The following ARID1B variants were observed in gnomAD, a reference collection of about 807,000 sequenced individuals.
The protein encoded by ARID1B is AT-rich interaction domain 1B, also known as AT-rich interactive domain-containing protein 1B.
ARID1B carries 30 observed loss-of-function variants against 212.3 expected under a neutral mutation model. The ratio of observed to expected loss-of-function variants is 0.14; its 90% CI spans 0.11 to 0.19. The LOEUF is 0.19. Among genes scored for constraint, ARID1B ranks in the 10% least tolerant of loss-of-function variants. The pLI is 1.00. For synonymous variants in ARID1B, 1,402 were observed against 1,301.7 expected, an observed-to-expected ratio of 1.08 and a Z score of -1.66; for missense variants, 2,891 against 3,204.0, an observed-to-expected ratio of 0.90 and a Z score of 2.36.
chr6:157,209,582 A>G lies in ARID1B; in HGVS notation c.*1691A>G, dbSNP rs904996796. On this transcript the variant is annotated 3_prime_UTR_variant, in exon 20 of 20. Coordinates refer to ENST00000636930, the MANE Select transcript of ARID1B (RefSeq NM_001374828.1). ...AGCTTAACTGGCCTGAAAATGTAAC[A>G]TTCTGCCTTTTACTAACTCCATCTT... The G allele has an allele frequency of 1.7e-5, 4 of 233,120 alleles. No individual in the cohort carries two copies. The highest frequency in any genetic ancestry group is 3.4e-5 in the Non-Finnish European group (4 of 118,036). 14.4% of individuals were successfully genotyped at this position (233,120 alleles called of 1,614,324 possible). A position where few individuals can be genotyped will look rare whatever the true frequency, so the allele number is the denominator to read the frequency against.
At chr6:156,882,304 CT>C (rs1298350728) in intron 2 of ARID1B, among the ~76,000 whole-genome samples, 1 of 152,162 alleles carries the variant, frequency 6.6e-6, no homozygotes, top group African/African-American at 2.4e-5. Flanking sequence ...TGCTGTGCTT[CT>C]TTGATGCCAC....
chr6:157,141,651 G>T (rs774723985), intron 7 of ARID1B, among the ~76,000 whole-genome samples: 60 of 152,154 alleles, frequency 3.9e-4, no homozygotes, highest in Admixed American at 1.5e-3. Context: ...TCACAGAAAA[G>T]ATCTTACTTA....
intron 2 of ARID1B, among the ~76,000 whole-genome samples, chr6:156,839,471 A>G (rs1195477543): frequency 1.3e-5 from 2 of 152,184 alleles, no homozygotes; most frequent in Admixed American, 6.5e-5. Flanking sequence ...TTTTCAACAC[A>G]TGAAATTTAG....
At chr6:156,800,371 C>T (rs1373043779) in intron 1 of ARID1B, among the ~76,000 whole-genome samples, 5 of 152,156 alleles carry the variant, frequency 3.3e-5, no homozygotes, top group African/African-American at 9.6e-5. Context: ...GGTGGATCAT[C>T]TAAGGTCAGG....
chr6:156,967,806 T>C (rs1335279711), intron 4 of ARID1B, among the ~76,000 whole-genome samples: 1 of 152,230 alleles, frequency 6.6e-6, no homozygotes, highest in Non-Finnish European at 1.5e-5. Flanking sequence ...TGTATGAACC[T>C]CCTTTTGGGG....
chr6:157,013,282 A>G (rs968712628), intron 4 of ARID1B, among the ~76,000 whole-genome samples: 4 of 152,170 alleles, frequency 2.6e-5, no homozygotes, highest in African/African-American at 7.2e-5. Context: ...CTCAGTCCCA[A>G]CCTAAGTTCC....
At chr6:156,953,767 C>T (rs1036287119) in intron 4 of ARID1B, among the ~76,000 whole-genome samples, 1 of 152,176 alleles carries the variant, frequency 6.6e-6, no homozygotes, top group Non-Finnish European at 1.5e-5. Context: ...ATACTGTTAG[C>T]GTTGCTATGG....
chr6:156,850,986 T>C (rs1279180196), intron 2 of ARID1B, among the ~76,000 whole-genome samples: 1 of 152,238 alleles, frequency 6.6e-6, no homozygotes, highest in East Asian at 1.9e-4. Flanking sequence ...CATTAATCTT[T>C]GAACCTTGCG....
At chr6:157,084,105 G>A (rs1185345396) in intron 4 of ARID1B, among the ~76,000 whole-genome samples, 2 of 149,258 alleles carry the variant, frequency 1.3e-5, no homozygotes, top group African/African-American at 5.0e-5. Context: ...TTACACTCCA[G>A]CCTGGGCGAC....
At position 156,777,859 on chromosome 6, in the gene ARID1B, G is replaced by GCGGCGGCGA. The variant is rs1778736880; in HGVS notation, c.188_196dup (p.Asp63_Gly65dup). 18 of 1,339,818 alleles carry GCGGCGGCGA rather than the reference G, an allele frequency of 1.3e-5. No individual in the cohort carries two copies. The highest frequency in any genetic ancestry group is 7.3e-5 in the South Asian group (4 of 54,778). 83.0% of individuals were successfully genotyped at this position (1,339,818 alleles called of 1,614,324 possible). ...GCGGCACCGGGACCCATGCTGGGGG[G>GCGGCGGCGA]CGGCGGCGACGGCGGCGGCGGCCTG... On this transcript the variant is annotated inframe_insertion, in exon 1 of 20. Coordinates refer to ENST00000636930, the MANE Select transcript of ARID1B (RefSeq NM_001374828.1).
At chr6:156,800,687 A>C (rs1237605436) in intron 1 of ARID1B, among the ~76,000 whole-genome samples, 3 of 152,062 alleles carry the variant, frequency 2.0e-5, no homozygotes, top group African/African-American at 7.2e-5. Flanking sequence ...CGGGAGCATC[A>C]CTTGAGCCCA....
chr6:156,845,827 C>T (rs2128097114), intron 2 of ARID1B, among the ~76,000 whole-genome samples: 1 of 151,986 alleles, frequency 6.6e-6, no homozygotes, highest in East Asian at 1.9e-4. Flanking sequence ...TATCTATGAA[C>T]CTTATTAGTT....
At chr6:156,918,997 G>A (rs897486383) in intron 3 of ARID1B, among the ~76,000 whole-genome samples, 4 of 152,062 alleles carry the variant, frequency 2.6e-5, no homozygotes, top group Non-Finnish European at 5.9e-5. Context: ...TTTTGGTGGC[G>A]TTATTCCTGA....
intron 6 of ARID1B, among the ~76,000 whole-genome samples, chr6:157,130,546 T>C (rs1334903418): frequency 6.6e-6 from 1 of 152,228 alleles, no homozygotes; most frequent in Non-Finnish European, 1.5e-5. Context: ...AAGCTGCCAA[T>C]TGAGCCCAAT....
intron 4 of ARID1B, among the ~76,000 whole-genome samples, chr6:157,000,696 C>CTTTTTTTTTTTTTTTTTTTTTTT (rs10536002): frequency 9.1e-5 from 9 of 99,210 alleles, no homozygotes; most frequent in Admixed American, 2.4e-4. Context: ...TCTAATTATT[C>CTTTTTTTTTTTTTTTTTTTTTTT]TTTTTTTTTT....
intron 5 of ARID1B, among the ~76,000 whole-genome samples, chr6:157,095,716 C>A (rs1366779649): frequency 6.6e-6 from 1 of 152,172 alleles, no homozygotes; most frequent in African/African-American, 2.4e-5. Context: ...AGAAAAAATT[C>A]TTGTGCAAAA....
At chr6:157,043,342 G>T (rs778385860) in intron 4 of ARID1B, among the ~76,000 whole-genome samples, 5 of 151,838 alleles carry the variant, frequency 3.3e-5, no homozygotes, top group Admixed American at 1.3e-4. Context: ...TCTATGATTT[G>T]TCTCGGCATG....
intron 1 of ARID1B, among the ~76,000 whole-genome samples, chr6:156,801,857 A>C (rs921267228): frequency 2.6e-5 from 4 of 152,140 alleles, no homozygotes; most frequent in African/African-American, 9.7e-5. Flanking sequence ...TTGCAGTTTG[A>C]ACTTTAACCT....
intron 2 of ARID1B, among the ~76,000 whole-genome samples, chr6:156,865,183 G>A (rs754582947): frequency 3.3e-5 from 5 of 152,182 alleles, no homozygotes; most frequent in Non-Finnish European, 7.4e-5. Flanking sequence ...TTCTTGTGTT[G>A]GATCTTTGGT....
Sources: gnomAD v4.1 joint callset for allele counts (sites outside exome capture counted in the v4.1 genomes callset) on GRCh38, gnomAD v4.1.1 for gene constraint, MANE v1.5 for transcripts, NCBI Gene and HGNC (gene_info 2026-07-23, HGNC 2026-07-21) for gene names.